Variants in PSG9 observed in about 807,000 individuals in gnomAD.
PSG9 encodes pregnancy-specific beta-1-glycoprotein 9.
In PSG9, 49 loss-of-function variants were observed where a neutral mutation model predicts 41.9. That is an observed-to-expected ratio of 1.17 (90% CI 0.93 to 1.48). The LOEUF is 1.48. Among genes scored for constraint, PSG9 ranks in the 40% most tolerant of loss-of-function variants. The probability of loss-of-function intolerance (pLI) is 0.00; values close to 1 mark genes in which losing one functional copy is unlikely to be tolerated. For synonymous variants in PSG9, 263 were observed against 196.8 expected (o/e 1.34, Z -2.82); for missense variants, 641 against 520.3 (o/e 1.23, Z -2.26).
intron 5 of PSG9, among the ~76,000 whole-genome samples, chr19:43,255,491 T>A (rs2122497198): frequency 6.8e-6 from 1 of 146,264 alleles, no homozygotes; most frequent in East Asian, 2.4e-4. Context: ...TTCAACGTAG[T>A]ATTGAAAGGT....
intron 2 of PSG9, among the ~76,000 whole-genome samples, chr19:43,265,711 T>TG (rs1292662494): frequency 6.6e-5 from 10 of 151,930 alleles, no homozygotes; most frequent in South Asian, 4.1e-4. Flanking sequence ...ATAATTTTTT[T>TG]TGTGTGTGTG....
chr19:43,262,290 G>A lies in PSG9; in HGVS notation c.431-152C>T, dbSNP rs144907796. ...GTGTGTGTTACAAGACAGATGCATGGCAATCTGAGAGCTCAGAGATTGTGA... is the reference window on the plus strand; with the variant it reads ...GTGTGTGTTACAAGACAGATGCATGACAATCTGAGAGCTCAGAGATTGTGA... On this transcript the variant is annotated intron_variant, in intron 2 of 5. Transcript: ENST00000270077. 2,529 of 1,440,014 alleles carry A rather than the reference G, an allele frequency of 1.8e-3. 43 individuals carry two copies. In the African/African-American group the frequency reaches 0.022, roughly 13 times the overall value. The allele number at this position is 1,440,014 out of a possible 1,614,324, so 89.2% of individuals were successfully genotyped here. A position where few individuals can be genotyped will look rare whatever the true frequency, so the allele number is the denominator to read the frequency against.
At chr19:43,264,580 C>T (rs1335112730) in intron 2 of PSG9, among the ~76,000 whole-genome samples, 1 of 152,030 alleles carries the variant, frequency 6.6e-6, no homozygotes, top group Non-Finnish European at 1.5e-5. Flanking sequence ...GCCTAGGCCT[C>T]CCAAGTAGGT....
At chr19:43,266,028 G>T (rs935619917) in intron 2 of PSG9, among the ~76,000 whole-genome samples, 1 of 151,814 alleles carries the variant, frequency 6.6e-6, no homozygotes, top group Non-Finnish European at 1.5e-5. Flanking sequence ...GCCTAGGGGT[G>T]GGGGAAGAAG....
In PSG9 at chr19:43,258,326, C is replaced by T. The variant is rs1352680106; in HGVS notation, c.1119G>A (p.Gln373=). The T allele has an allele frequency of 3.8e-6, 6 of 1,592,890 alleles. 1 individual carries two copies. ...EYFWTINGKF[Q]QSGQKLFIPQ... is the part of the protein sequence containing the mutation. ...GGATAAAGAGCTTTTGTCCTGATTG[C>T]TGAAACTTCCCATTAATTGTCCAAA... is the stretch of plus-strand genomic sequence containing the variant. Residue 373 remains glutamine (Q), a synonymous_variant, in exon 5 of 6, where the codon CAG becomes CAA. Coordinates refer to ENST00000270077, the MANE Select transcript of PSG9 (RefSeq NM_002784.5).
At chr19:43,253,734 G>T in intron 5 of PSG9, 88 bp from the exon 6 acceptor site, 1 of 801,546 alleles carries the variant, frequency 1.2e-6, no homozygotes, top group Admixed American at 2.5e-5. Context: ...TCCCAGGAAG[G>T]GTGTGAAAGC....
intron 3 of PSG9, chr19:43,260,480 A>G (rs972084840): frequency 6.7e-6 from 1 of 148,510 alleles, no homozygotes; most frequent in African/African-American, 2.5e-5. Context: ...TGATAAGCCA[A>G]AGATATTCTT....
chr19:43,265,512 C>T (rs1968924786), intron 2 of PSG9, among the ~76,000 whole-genome samples: 1 of 152,028 alleles, frequency 6.6e-6, no homozygotes, highest in Admixed American at 6.5e-5. Flanking sequence ...TTCCCTCCGG[C>T]CGCATGATTC....
chr19:43,259,389 C>G, intron 3 of PSG9: 1 of 664,410 alleles, frequency 1.5e-6, no homozygotes. Context: ...CATGGACAGA[C>G]ACATCAGTGG....
chr19:43,268,425 G>T (rs1220032423), intron 1 of PSG9, among the ~76,000 whole-genome samples: 1 of 152,106 alleles, frequency 6.6e-6, no homozygotes, highest in Non-Finnish European at 1.5e-5. Context: ...CTCTTCCCCA[G>T]GGGTCCACAC....
intron 5 of PSG9, chr19:43,257,337 A>T: frequency 4.3e-6 from 4 of 923,252 alleles, no homozygotes; most frequent in Non-Finnish European, 5.1e-6. Flanking sequence ...CTTATATTAG[A>T]TATATATAAA....
chr19:43,255,625 C>T (rs1338627428), intron 5 of PSG9, among the ~76,000 whole-genome samples: 2 of 146,426 alleles, frequency 1.4e-5, no homozygotes, highest in Non-Finnish European at 3.0e-5. Context: ...TTGAACAAAC[C>T]TAATTAGAAT....
intron 2 of PSG9, among the ~76,000 whole-genome samples, chr19:43,264,968 C>T (rs952402020): frequency 6.6e-6 from 1 of 152,072 alleles, no homozygotes; most frequent in Non-Finnish European, 1.5e-5. Context: ...GGACTGCAGG[C>T]CTCTCCAGCC....
At chr19:43,267,486 T>A (rs1278965646) in intron 2 of PSG9, among the ~76,000 whole-genome samples, 1 of 151,934 alleles carries the variant, frequency 6.6e-6, no homozygotes, top group African/African-American at 2.4e-5. Flanking sequence ...TTTCTCAGGG[T>A]CAAATTTATG....
In PSG9 at chr19:43,269,073, C is replaced by T. The variant is rs567602376; in HGVS notation, c.64+295G>A. Among the ~76,000 whole-genome samples the T allele has an allele frequency of 6.0e-4, 91 of 152,062 alleles. 2 individuals are homozygous for T. The highest frequency in any genetic ancestry group is 2.2e-3 in the African/African-American group (90 of 41,482). On this transcript the variant is annotated intron_variant, in intron 1 of 5. Transcript: ENST00000270077. ...AGGCTGGCGTGCAGTGGCGGTATCTCGGCTAGCTGCAACTTCTGCCTCCCG... is the reference window on the plus strand; with the variant it reads ...AGGCTGGCGTGCAGTGGCGGTATCTTGGCTAGCTGCAACTTCTGCCTCCCG...
intron 3 of PSG9, among the ~76,000 whole-genome samples, chr19:43,260,911 T>A (rs188787596): frequency 6.6e-6 from 1 of 152,254 alleles, no homozygotes; most frequent in Non-Finnish European, 1.5e-5. Flanking sequence ...GGTATAATCA[T>A]TTGACCTTTT....
At position 43,261,957 on chromosome 19, in the gene PSG9, T is replaced by C. The variant is rs1203667237; in HGVS notation, c.612A>G (p.Leu204=). The C allele has an allele frequency of 5.6e-6, 9 of 1,612,596 alleles. No individual in the cohort carries two copies. The highest frequency in any genetic ancestry group is 5.1e-5 in the Admixed American group (3 of 59,272). The part of the protein sequence containing the change: ...QLSKTNRTLY[L]FGVTKYIAGP... ...CTGCAATATACTTTGTGACACCAAATAGATAGAGGGTCCTGTTGGTTTTGG... is the reference window on the plus strand; with the variant it reads ...CTGCAATATACTTTGTGACACCAAACAGATAGAGGGTCCTGTTGGTTTTGG... The change falls in exon 3 of 6, where the codon CTA becomes CTG. Residue 204 remains leucine, a synonymous_variant. Coordinates refer to ENST00000270077, the MANE Select transcript of PSG9 (RefSeq NM_002784.5).
At chr19:43,264,971 C>G (rs1372556077) in intron 2 of PSG9, among the ~76,000 whole-genome samples, 1 of 152,070 alleles carries the variant, frequency 6.6e-6, no homozygotes, top group African/African-American at 2.4e-5. Flanking sequence ...CTGCAGGCCT[C>G]TCCAGCCTCT....
chr19:43,258,191 G>A lies in PSG9; in HGVS notation c.1243+11C>T. 1 of 1,592,624 alleles carries A rather than the reference G, an allele frequency of 6.3e-7. No individual in the cohort carries two copies. The highest frequency in any genetic ancestry group is 8.5e-7 in the Non-Finnish European group (1 of 1,174,450). ...AAAACCCTACTGCCAAGGATGCTGG[G>A]ATCCACTTACCAGAGACTTTGACTG... On this transcript the variant is annotated intron_variant, in intron 5 of 5. Coordinates refer to ENST00000270077, the MANE Select transcript of PSG9 (RefSeq NM_002784.5).
Sources: gnomAD v4.1 joint callset for allele counts (sites outside exome capture counted in the v4.1 genomes callset) on GRCh38, gnomAD v4.1.1 for gene constraint, MANE v1.5 for transcripts, NCBI Gene and HGNC (gene_info 2026-07-23, HGNC 2026-07-21) for gene names.